Variants in UBR3 observed in about 807,000 individuals in gnomAD.
UBR3 encodes the protein ubiquitin protein ligase E3 component n-recognin 3.
In UBR3, 85 loss-of-function variants were observed where a neutral mutation model predicts 243.2. The ratio of observed to expected loss-of-function variants is 0.35; its 90% CI spans 0.29 to 0.42. The LOEUF is 0.42. Among genes scored for constraint, UBR3 ranks in the 10% least tolerant of loss-of-function variants. The pLI, the probability that UBR3 is intolerant of heterozygous loss-of-function variation, is 1.00. For missense variants in UBR3, 1,686 were observed against 2,300.8 expected (o/e 0.73, Z 5.47); for synonymous variants, 748 against 799.8 (o/e 0.94, Z 1.09).
chr2:169,907,745 C>T (rs574263912), intron 10 of UBR3, among the ~76,000 whole-genome samples: 1 of 152,038 alleles, frequency 6.6e-6, no homozygotes, highest in East Asian at 1.9e-4. Flanking sequence ...CAACTTGTCT[C>T]TCATAATTCG....
At chr2:170,022,769 G>A (rs746067236) in intron 30 of UBR3, among the ~76,000 whole-genome samples, 2 of 152,092 alleles carry the variant, frequency 1.3e-5, no homozygotes, top group African/African-American at 2.4e-5. Flanking sequence ...ACTGCCACTT[G>A]ATTCTCTGCC....
chr2:170,073,758 T>A (rs1168663711), intron 36 of UBR3, 151 bp downstream of exon 36: 1 of 781,730 alleles, frequency 1.3e-6, no homozygotes, highest in Non-Finnish European at 1.9e-6. Flanking sequence ...ATGTAGATTG[T>A]ATTTATAATG....
intron 27 of UBR3, among the ~76,000 whole-genome samples, chr2:170,002,080 C>G (rs2089734426): frequency 6.6e-6 from 1 of 152,100 alleles, no homozygotes; most frequent in Admixed American, 6.5e-5. Flanking sequence ...TGTCTTCACT[C>G]TCATTATTGT....
chr2:169,934,501 G>A (rs2086251499), intron 19 of UBR3, among the ~76,000 whole-genome samples: 1 of 152,174 alleles, frequency 6.6e-6, no homozygotes, highest in Non-Finnish European at 1.5e-5. Flanking sequence ...CTCCCAAAGT[G>A]TTGGGATTAC....
chr2:169,837,738 A>G (rs1269612037), intron 1 of UBR3, among the ~76,000 whole-genome samples: 1 of 152,144 alleles, frequency 6.6e-6, no homozygotes, highest in Non-Finnish European at 1.5e-5. Context: ...AGTTACCTCC[A>G]CCTCATCCCA....
At chr2:170,053,835 A>T (rs1482788523) in intron 32 of UBR3, among the ~76,000 whole-genome samples, 1 of 152,194 alleles carries the variant, frequency 6.6e-6, no homozygotes, top group Non-Finnish European at 1.5e-5. Context: ...AGTATAATAT[A>T]ATAGAAGGAA....
chr2:169,951,702 G>A (rs2087039458), intron 23 of UBR3, among the ~76,000 whole-genome samples: 1 of 151,964 alleles, frequency 6.6e-6, no homozygotes, highest in Non-Finnish European at 1.5e-5. Flanking sequence ...GATTAGAGTG[G>A]GGTAAGACTG....
chr2:169,971,519 G>A (rs542574832), intron 24 of UBR3, among the ~76,000 whole-genome samples: 27 of 151,490 alleles, frequency 1.8e-4, no homozygotes, highest in African/African-American at 6.1e-4. Context: ...GTAAGGAAGG[G>A]ATCCAGTTTC....
chr2:170,073,603 G>A lies in UBR3; in HGVS notation c.5195G>A (p.Gly1732Glu). ...KSFTERHAEQ[G>E]KALLIQESKW... ...TTTACTGAAAGACATGCAGAACAAG[G>A]AAAGGTATGTTAAAAGAGTTGTACT... is the stretch of plus-strand genomic sequence containing the variant. Residue 1732 changes from glycine to glutamate, a missense_variant, in exon 36 of 39, where the codon GGA (glycine) becomes GAA (glutamate). This residue lies in a region of UBR3 where 371 missense variants were observed against 422.5 expected (regional missense o/e 0.88). Transcript: ENST00000272793. 6.2e-7 allele frequency: 1 copy of A among 1,612,278 alleles called. No individual in the cohort carries two copies. The highest frequency in any genetic ancestry group is 8.5e-7 in the Non-Finnish European group (1 of 1,179,148).
chr2:170,058,580 A>G (rs1190073882), intron 33 of UBR3, among the ~76,000 whole-genome samples: 2 of 145,368 alleles, frequency 1.4e-5, no homozygotes, highest in Admixed American at 7.1e-5. Flanking sequence ...CAGTGGCATG[A>G]TCACAGCTCA....
intron 35 of UBR3, among the ~76,000 whole-genome samples, chr2:170,066,294 CAT>C (rs2091565344): frequency 6.6e-6 from 1 of 152,138 alleles, no homozygotes; most frequent in East Asian, 1.9e-4. Flanking sequence ...TTTCTACCAC[CAT>C]GTTAGGACTA....
chr2:170,001,486 C>T (rs2089693485), intron 27 of UBR3, 72 bp downstream of exon 27: 3 of 854,496 alleles, frequency 3.5e-6, no homozygotes, highest in Non-Finnish European at 5.7e-6. Context: ...ATAGTATATA[C>T]ATCCCAATTC....
chr2:169,917,724 GGAGTTTTT>G (rs1258920247), intron 11 of UBR3, among the ~76,000 whole-genome samples: 1 of 152,044 alleles, frequency 6.6e-6, no homozygotes, highest in Non-Finnish European at 1.5e-5. Flanking sequence ...TTTTCGAGAT[GGAGTTTTT>G]GCTCTTGTTG....
chr2:170,047,064 A>G (rs2091106008), intron 32 of UBR3, among the ~76,000 whole-genome samples: 1 of 151,984 alleles, frequency 6.6e-6, no homozygotes, highest in Non-Finnish European at 1.5e-5. Context: ...GTACAGTCAT[A>G]ACTCACTGCA....
In UBR3 at chr2:170,005,201, G is replaced by A. The variant is rs2089869122; in HGVS notation, c.4030-1789G>A. 2.0e-5 allele frequency among the ~76,000 whole-genome samples: 3 copies of A among 152,314 alleles called. No homozygotes were observed. In the South Asian group the frequency reaches 6.2e-4, roughly 32 times the overall value. ...ATCGCGCCACTGCACTCCAGTCTGG[G>A]CAATAGAGCAAGGCTCCGTCTCAAA... On this transcript the variant is annotated intron_variant, in intron 27 of 38. Transcript: ENST00000272793.
At chr2:170,038,510 A>G (rs1305142282) in intron 31 of UBR3, among the ~76,000 whole-genome samples, 1 of 152,204 alleles carries the variant, frequency 6.6e-6, no homozygotes, top group Admixed American at 6.5e-5. Context: ...CACTAAAGAT[A>G]TAGAGGATGA....
intron 29 of UBR3, among the ~76,000 whole-genome samples, chr2:170,011,403 C>G (rs901550575): frequency 2.0e-5 from 3 of 152,052 alleles, no homozygotes; most frequent in Admixed American, 1.3e-4. Flanking sequence ...AATAAACTTA[C>G]TTTGAATTAA....
intron 36 of UBR3, among the ~76,000 whole-genome samples, chr2:170,075,825 A>C (rs1473627475): frequency 1.3e-5 from 2 of 152,094 alleles, no homozygotes; most frequent in Non-Finnish European, 2.9e-5. Flanking sequence ...ACTACTTCTG[A>C]ATTTTTTTAT....
chr2:169,870,835 G>T (rs1426722462), intron 1 of UBR3, among the ~76,000 whole-genome samples: 2 of 151,714 alleles, frequency 1.3e-5, no homozygotes, highest in Admixed American at 1.3e-4. Context: ...TGTATTTTTA[G>T]TAGAGATGGG....
Sources: allele counts gnomAD v4.1 joint callset (sites outside exome capture counted in the v4.1 genomes callset), GRCh38; gene constraint gnomAD v4.1.1; regional missense constraint gnomAD v4.1.1; transcripts MANE v1.5; gene names NCBI Gene and HGNC (gene_info 2026-07-23, HGNC 2026-07-21).